The following NIBAN1 variants were observed in gnomAD, a reference collection of about 807,000 sequenced individuals.
NIBAN1 encodes niban apoptosis regulator 1.
A neutral mutation model predicts 75.1 loss-of-function variants in NIBAN1; 81 were observed. That is an observed-to-expected ratio of 1.08 (90% CI 0.90 to 1.30). The LOEUF (loss-of-function observed/expected upper bound fraction) is 1.30, where lower values mean the gene tolerates loss of function less well. NIBAN1 is among the 50% of genes most tolerant of loss of function. The pLI is 0.00. For missense variants in NIBAN1, 1,133 were observed against 1,128.1 expected (o/e 1.00, Z -0.06); for synonymous variants, 436 against 424.8 (o/e 1.03, Z -0.32).
At chr1:184,898,498 C>G (rs1340882516) in intron 2 of NIBAN1, among the ~76,000 whole-genome samples, 2 of 152,224 alleles carry the variant, frequency 1.3e-5, no homozygotes, top group East Asian at 3.9e-4. Flanking sequence ...CACCTGTAAT[C>G]CCAGCCACTC....
At chr1:184,870,629 C>T (rs899444432) in intron 5 of NIBAN1, among the ~76,000 whole-genome samples, 7 of 152,142 alleles carry the variant, frequency 4.6e-5, no homozygotes, top group African/African-American at 1.7e-4. Flanking sequence ...AAGGATAATG[C>T]GACAGAGCTG....
intron 6 of NIBAN1, among the ~76,000 whole-genome samples, chr1:184,828,250 TG>T (rs1452050289): frequency 2.8e-4 from 43 of 152,156 alleles, no homozygotes; most frequent in African/African-American, 9.7e-4. Flanking sequence ...ACCATCGCTA[TG>T]AGGGCCTTCC....
chr1:184,895,810 G>A (rs1348888056), intron 2 of NIBAN1, among the ~76,000 whole-genome samples: 8 of 152,116 alleles, frequency 5.3e-5, no homozygotes, highest in African/African-American at 1.9e-4. Context: ...AAAACATGTG[G>A]TATTTGATTT....
At chr1:184,820,141 T>C (rs186173098) in intron 8 of NIBAN1, among the ~76,000 whole-genome samples, 4 of 152,234 alleles carry the variant, frequency 2.6e-5, no homozygotes, top group Non-Finnish European at 4.4e-5. Flanking sequence ...ATGACTTGCT[T>C]GACACTAAAG....
chr1:184,931,968 G>C (rs953300756), intron 1 of NIBAN1, among the ~76,000 whole-genome samples: 8 of 152,146 alleles, frequency 5.3e-5, no homozygotes, highest in African/African-American at 1.7e-4. Context: ...CCTTCCTCCA[G>C]ATATCTCATA....
chr1:184,877,838 G>A (rs1366187189), intron 5 of NIBAN1, among the ~76,000 whole-genome samples: 5 of 152,042 alleles, frequency 3.3e-5, no homozygotes, highest in Non-Finnish European at 5.9e-5. Context: ...CTTTGCCACA[G>A]TTGATTATAG....
At chr1:184,901,739 T>C (rs1389620838) in intron 1 of NIBAN1, among the ~76,000 whole-genome samples, 1 of 152,166 alleles carries the variant, frequency 6.6e-6, no homozygotes, top group East Asian at 1.9e-4. Flanking sequence ...TCACCAAGCC[T>C]CCCCAGGGAC....
intron 6 of NIBAN1, among the ~76,000 whole-genome samples, chr1:184,827,597 A>C (rs1654878461): frequency 1.7e-5 from 2 of 118,146 alleles, no homozygotes. Context: ...TGGCAAGGGC[A>C]GTGTTTTGTA....
Position 184,818,752 on chromosome 1 carries a change from C to T in NIBAN1, c.1059G>A (p.Glu353=). ...ATCCCGAGCTCACTGGTCCCATGAGCTCCTCCAGGATGGATGCCAGGAATG... is the reference window on the plus strand; with the variant it reads ...ATCCCGAGCTCACTGGTCCCATGAGTTCCTCCAGGATGGATGCCAGGAATG... ...VQPFLASILE[E]LMGPVSSGFS... Residue 353 remains glutamate, a synonymous_variant, in exon 9 of 14, where the codon GAG becomes GAA. Transcript: ENST00000367511. 6.2e-7 allele frequency: 1 copy of T among 1,613,386 alleles called. No individual in the cohort carries two copies. Among genetic ancestry groups the T allele is most frequent in the Middle Eastern group, 1.7e-4 (1 of 6,056 alleles).
intron 3 of NIBAN1, among the ~76,000 whole-genome samples, chr1:184,892,283 C>G (rs549958629): frequency 6.6e-6 from 1 of 152,098 alleles, no homozygotes; most frequent in Non-Finnish European, 1.5e-5. Context: ...AAAGAAATCA[C>G]GCAGATCTCA....
At chr1:184,973,704 A>G (rs1658994708) in intron 1 of NIBAN1, among the ~76,000 whole-genome samples, 1 of 152,228 alleles carries the variant, frequency 6.6e-6, no homozygotes, top group African/African-American at 2.4e-5. Flanking sequence ...GGCAGTTACA[A>G]AGCACGCCAG....
chr1:184,851,876 T>C (rs530699922), intron 5 of NIBAN1, among the ~76,000 whole-genome samples: 4 of 151,356 alleles, frequency 2.6e-5, no homozygotes, highest in Non-Finnish European at 4.4e-5. Flanking sequence ...CTTATGACCA[T>C]GGTTGATATT....
At chr1:184,879,820 A>T (rs1209231319) in intron 5 of NIBAN1, among the ~76,000 whole-genome samples, 1 of 152,210 alleles carries the variant, frequency 6.6e-6, no homozygotes, top group African/African-American at 2.4e-5. Flanking sequence ...ATAGCTCCAC[A>T]TTCCACCTGA....
intron 1 of NIBAN1, among the ~76,000 whole-genome samples, chr1:184,962,719 T>C (rs556052496): frequency 2.0e-5 from 3 of 152,268 alleles, no homozygotes; most frequent in Non-Finnish European, 4.4e-5. Context: ...GAAGAGTTTT[T>C]CATTGGCCAA....
intron 5 of NIBAN1, among the ~76,000 whole-genome samples, chr1:184,878,963 C>T (rs1656304033): frequency 6.6e-6 from 1 of 152,122 alleles, no homozygotes; most frequent in Non-Finnish European, 1.5e-5. Flanking sequence ...TGACTACTTC[C>T]TAAGTAAAAA....
chr1:184,964,572 A>T (rs1005624043), intron 1 of NIBAN1, among the ~76,000 whole-genome samples: 1 of 152,208 alleles, frequency 6.6e-6, no homozygotes, highest in African/African-American at 2.4e-5. Context: ...AACGGAGCTA[A>T]TGATATCTCC....
At chr1:184,875,830 T>C (rs1470401717) in intron 5 of NIBAN1, among the ~76,000 whole-genome samples, 1 of 152,028 alleles carries the variant, frequency 6.6e-6, no homozygotes, top group Non-Finnish European at 1.5e-5. Flanking sequence ...ATTAACATAA[T>C]AGAAAACAAA....
At chr1:184,861,099 GTC>G (rs1655803897) in intron 5 of NIBAN1, among the ~76,000 whole-genome samples, 1 of 152,192 alleles carries the variant, frequency 6.6e-6, no homozygotes, top group South Asian at 2.1e-4. Flanking sequence ...GAGCCATTCA[GTC>G]TCTGTTGCCA....
chr1:184,947,414 G>A (rs1658257555), intron 1 of NIBAN1, among the ~76,000 whole-genome samples: 1 of 152,202 alleles, frequency 6.6e-6, no homozygotes, highest in Non-Finnish European at 1.5e-5. Context: ...GTTATTTAAT[G>A]AGCACAAAGT....
Sources: allele counts gnomAD v4.1 joint callset (sites outside exome capture counted in the v4.1 genomes callset), GRCh38; gene constraint gnomAD v4.1.1; transcripts MANE v1.5; gene names NCBI Gene and HGNC (gene_info 2026-07-23, HGNC 2026-07-21).